The following MGAT5 variants were observed in gnomAD, a reference collection of about 807,000 sequenced individuals.
MGAT5 encodes the protein alpha-1,6-mannosylglycoprotein 6-beta-N-acetylglucosaminyltransferase.
Under a neutral mutation model 94.3 loss-of-function variants are expected in MGAT5, and 30 were observed. That is an observed-to-expected ratio of 0.32 (90% CI 0.24 to 0.43). MGAT5 has a LOEUF of 0.43. MGAT5 is among the 20% of genes least tolerant of loss of function. The pLI is 1.00. For missense variants in MGAT5, 691 were observed against 905.5 expected (o/e 0.76, Z 3.04); for synonymous variants, 310 against 322.9 (o/e 0.96, Z 0.43).
chr2:134,381,330 C>CATAGATAGATGGATAGATAGATAGATAG, intron 10 of MGAT5, among the ~76,000 whole-genome samples: 1 of 67,870 alleles, frequency 1.5e-5, no homozygotes, highest in Non-Finnish European at 3.2e-5. Context: ...AGACCTGTCT[C>CATAGATAGATGGATAGATAGATAGATAG]ATAGATAGAT....
chr2:134,441,620 C>A, intron 14 of MGAT5, 138 bp from the exon 15 acceptor site: 1 of 1,010,976 alleles, frequency 9.9e-7, no homozygotes, highest in Non-Finnish European at 1.5e-6. Context: ...CCAATCCAGC[C>A]CATCCATGTG....
intron 1 of MGAT5, among the ~76,000 whole-genome samples, chr2:134,178,749 A>T (rs1470094148): frequency 6.6e-6 from 1 of 152,178 alleles, no homozygotes; most frequent in Non-Finnish European, 1.5e-5. Context: ...CCCGTGCCAC[A>T]TTCCTTTGTG....
chr2:134,368,766 G>A lies in MGAT5; in HGVS notation c.1380+6358G>A, dbSNP rs1223970370. Among the ~76,000 whole-genome samples the A allele has an allele frequency of 3.3e-5, 5 of 152,158 alleles. No individual in the cohort carries two copies. In the East Asian group the frequency reaches 7.7e-4, roughly 23 times the overall value. On this transcript the variant is annotated intron_variant, in intron 10 of 15. Coordinates refer to ENST00000281923, the MANE Select transcript of MGAT5 (RefSeq NM_002410.5). ...GTAGTGTGTTTTAGCGAGGCTCTCT[G>A]CAAGCCAGCCACTCCTGCTCTGTAC...
intron 1 of MGAT5, among the ~76,000 whole-genome samples, chr2:134,131,523 C>T (rs1350271658): frequency 6.7e-6 from 1 of 148,898 alleles, no homozygotes. Flanking sequence ...CTCTCTGCTT[C>T]TGCCAGGGTG....
At chr2:134,279,936 A>G (rs958497791) in intron 2 of MGAT5, among the ~76,000 whole-genome samples, 4 of 152,190 alleles carry the variant, frequency 2.6e-5, no homozygotes, top group African/African-American at 9.7e-5. Flanking sequence ...CTGAGATCTT[A>G]AAATTTAAAA....
intron 1 of MGAT5, among the ~76,000 whole-genome samples, chr2:134,193,637 A>G (rs1679341466): frequency 1.3e-5 from 2 of 150,296 alleles, no homozygotes; most frequent in African/African-American, 4.9e-5. Flanking sequence ...CATCAGAGGA[A>G]ACAGGGCAAT....
chr2:134,260,442 C>T (rs941439067), intron 1 of MGAT5, among the ~76,000 whole-genome samples: 13 of 152,050 alleles, frequency 8.5e-5, no homozygotes, highest in Non-Finnish European at 7.4e-5. Flanking sequence ...TTAGGGCTGC[C>T]GAAGATTGCT....
chr2:134,130,861 T>C (rs1319119959), intron 1 of MGAT5, among the ~76,000 whole-genome samples: 2 of 152,190 alleles, frequency 1.3e-5, no homozygotes, highest in Admixed American at 6.5e-5. Context: ...GGAGAACTTT[T>C]GTGTCTAGCT....
rs1242191450 is a variant in MGAT5 at position 134,256,606 on chromosome 2, C to A, written c.241+1962C>A. Among the ~76,000 whole-genome samples the A allele has an allele frequency of 7.2e-5, 11 of 152,194 alleles. No homozygotes were observed. In the East Asian group the frequency reaches 2.1e-3, roughly 29 times the overall value. ...GGACAATAATTTGGTCTTAGCTTTTCAGCCTCACAGAAATATTATTTTTTA... is the reference window on the plus strand; with the variant it reads ...GGACAATAATTTGGTCTTAGCTTTTAAGCCTCACAGAAATATTATTTTTTA... On this transcript the variant is annotated intron_variant, in intron 1 of 15. Transcript: ENST00000281923.
intron 1 of MGAT5, among the ~76,000 whole-genome samples, chr2:134,139,001 A>C (rs1686543783): frequency 6.6e-6 from 1 of 152,208 alleles, no homozygotes; most frequent in South Asian, 2.1e-4. Context: ...TCTGTCTGCA[A>C]ATGAATTGGT....
At chr2:134,438,546 C>T (rs541601451) in intron 14 of MGAT5, among the ~76,000 whole-genome samples, 2 of 152,328 alleles carry the variant, frequency 1.3e-5, no homozygotes, top group South Asian at 2.1e-4. Flanking sequence ...CAGCAGGTTT[C>T]CTGTCACCTA....
Position 134,388,970 on chromosome 2 carries a change from A to G in MGAT5, c.1381-14018A>G, listed in dbSNP as rs111411081. Among the ~76,000 whole-genome samples, 599 of 152,280 alleles carry G rather than the reference A, an allele frequency of 3.9e-3. 5 individuals are homozygous for G. The highest frequency in any genetic ancestry group is 0.014 in the African/African-American group (562 of 41,550). On this transcript the variant is annotated intron_variant, in intron 10 of 15. Coordinates refer to ENST00000281923, the MANE Select transcript of MGAT5 (RefSeq NM_002410.5). Reference sequence around the variant, plus strand: ...GAGATGGGGTTTCACCATGTTGGCCAGGCTGGTCTCAAACTCTTGATCTCC... The same window carrying G: ...GAGATGGGGTTTCACCATGTTGGCCGGGCTGGTCTCAAACTCTTGATCTCC...
At chr2:134,241,543 G>A (rs950696661) in intron 1 of MGAT5, among the ~76,000 whole-genome samples, 1 of 152,108 alleles carries the variant, frequency 6.6e-6, no homozygotes, top group East Asian at 1.9e-4. Context: ...CTTTTTTACC[G>A]ACATAATTAA....
At chr2:134,169,752 G>C (rs908995219) in intron 1 of MGAT5, among the ~76,000 whole-genome samples, 2 of 152,016 alleles carry the variant, frequency 1.3e-5, no homozygotes, top group Admixed American at 1.3e-4. Context: ...TTTAAGATTA[G>C]TTGAAAAAAA....
At chr2:134,364,618 T>C (rs1352965139) in intron 10 of MGAT5, among the ~76,000 whole-genome samples, 1 of 152,260 alleles carries the variant, frequency 6.6e-6, no homozygotes, top group Non-Finnish European at 1.5e-5. Context: ...AGCTTCTGTG[T>C]ACCTGTGCTG....
chr2:134,309,417 A>G (rs951491314), intron 2 of MGAT5, among the ~76,000 whole-genome samples: 3 of 152,272 alleles, frequency 2.0e-5, no homozygotes, highest in African/African-American at 7.2e-5. Flanking sequence ...CAGCTACACT[A>G]TTTTATATTT....
chr2:134,146,000 G>T (rs554659752), intron 1 of MGAT5, among the ~76,000 whole-genome samples: 2 of 152,226 alleles, frequency 1.3e-5, no homozygotes, highest in Admixed American at 1.3e-4. Flanking sequence ...ATTTTGGTTA[G>T]CCTGGTCTTT....
At chr2:134,283,645 CTTTTTT>C (rs35922830) in intron 2 of MGAT5, among the ~76,000 whole-genome samples, 3 of 69,088 alleles carry the variant, frequency 4.3e-5, no homozygotes, top group Admixed American at 1.8e-4. Context: ...AATGTAGTAT[CTTTTTT>C]TTTTTTTTTT....
At chr2:134,134,303 C>T (rs1449391318) in intron 1 of MGAT5, among the ~76,000 whole-genome samples, 1 of 152,114 alleles carries the variant, frequency 6.6e-6, no homozygotes, top group Non-Finnish European at 1.5e-5. Context: ...GTGCTAGCAA[C>T]AGAAACCTGC....
Sources: gnomAD v4.1 joint callset for allele counts (sites outside exome capture counted in the v4.1 genomes callset) on GRCh38, gnomAD v4.1.1 for gene constraint, MANE v1.5 for transcripts, NCBI Gene and HGNC (gene_info 2026-07-23, HGNC 2026-07-21) for gene names.